The following SLC4A4 variants were observed in gnomAD, a reference collection of about 807,000 sequenced individuals.
SLC4A4 encodes electrogenic sodium bicarbonate cotransporter 1.
A neutral mutation model predicts 111.5 loss-of-function variants in SLC4A4; 27 were observed. The observed-to-expected ratio is 0.24, with a 90% CI of 0.18 to 0.33. SLC4A4 has a LOEUF of 0.33. Among genes scored for constraint, SLC4A4 ranks in the 10% least tolerant of loss-of-function variants. The pLI is 1.00. For synonymous variants in SLC4A4, 443 were observed against 463.4 expected (o/e 0.96, Z 0.57); for missense variants, 909 against 1,315.5 (o/e 0.69, Z 4.78).
intron 14 of SLC4A4, among the ~76,000 whole-genome samples, chr4:71,474,126 A>T (rs914594745): frequency 6.6e-6 from 1 of 151,778 alleles, no homozygotes; most frequent in African/African-American, 2.4e-5. Context: ...TCAAAAAAAA[A>T]AAAAAAAAGA....
chr4:71,271,949 C>A (rs1045836258), intron 3 of SLC4A4, among the ~76,000 whole-genome samples: 8 of 152,212 alleles, frequency 5.3e-5, no homozygotes, highest in African/African-American at 2.4e-5. Flanking sequence ...AACTCATCCT[C>A]AAATAATTTA....
chr4:71,100,254 A>G (rs1189750912), intron 2 of SLC4A4, among the ~76,000 whole-genome samples: 1 of 152,180 alleles, frequency 6.6e-6, no homozygotes, highest in Non-Finnish European at 1.5e-5. Context: ...CTAATCCATC[A>G]CGATCAAATA....
At chr4:71,419,768 A>G (rs1333604852) in intron 7 of SLC4A4, among the ~76,000 whole-genome samples, 1 of 152,232 alleles carries the variant, frequency 6.6e-6, no homozygotes, top group Non-Finnish European at 1.5e-5. Context: ...GGAAATGCAG[A>G]AATCACCCGT....
At chr4:71,205,861 T>C (rs1717729510) in intron 1 of SLC4A4, among the ~76,000 whole-genome samples, 1 of 152,218 alleles carries the variant, frequency 6.6e-6, no homozygotes, top group Admixed American at 6.5e-5. Context: ...TTTGGAAAGG[T>C]AATGATCAAG....
At chr4:71,146,839 A>G (rs1744186133) in intron 2 of SLC4A4, among the ~76,000 whole-genome samples, 3 of 152,204 alleles carry the variant, frequency 2.0e-5, no homozygotes. Context: ...ACTAATGAGC[A>G]AAATAACCAG....
intron 7 of SLC4A4, among the ~76,000 whole-genome samples, chr4:71,420,356 C>T (rs1379154933): frequency 1.3e-5 from 2 of 152,206 alleles, no homozygotes; most frequent in Non-Finnish European, 2.9e-5. Context: ...AAATCTATCT[C>T]TGATTGGTGT....
intron 20 of SLC4A4, among the ~76,000 whole-genome samples, chr4:71,551,811 C>T (rs903165680): frequency 3.3e-5 from 5 of 151,894 alleles, no homozygotes; most frequent in Admixed American, 3.3e-4. Context: ...TACCTCATTC[C>T]AGTTTCTTCA....
intron 1 of SLC4A4, among the ~76,000 whole-genome samples, chr4:71,218,511 G>T (rs1398900819): frequency 4.6e-5 from 7 of 152,092 alleles, no homozygotes; most frequent in Non-Finnish European, 1.0e-4. Context: ...TATTAGAATG[G>T]TGCTTAGTGT....
upstream of SLC4A4, among the ~76,000 whole-genome samples, chr4:71,184,217 C>A (rs527765625): frequency 6.6e-6 from 1 of 152,312 alleles, no homozygotes; most frequent in East Asian, 1.9e-4. Flanking sequence ...ACCTTACTTT[C>A]AATAATCAAC....
At chr4:71,535,736 C>A (rs1457943044) in intron 18 of SLC4A4, among the ~76,000 whole-genome samples, 1 of 151,840 alleles carries the variant, frequency 6.6e-6, no homozygotes, top group African/African-American at 2.4e-5. Flanking sequence ...TCCTGGAGGT[C>A]GGCATATTTA....
chr4:71,372,482 T>A (rs1731982233), intron 6 of SLC4A4, among the ~76,000 whole-genome samples: 1 of 152,258 alleles, frequency 6.6e-6, no homozygotes, highest in African/African-American at 2.4e-5. Flanking sequence ...TCTTGCTAGA[T>A]CCAGAATGGC....
chr4:71,413,618 G>C (rs1057485982), intron 7 of SLC4A4, among the ~76,000 whole-genome samples: 1 of 152,266 alleles, frequency 6.6e-6, no homozygotes, highest in Admixed American at 6.5e-5. Context: ...TATTTTAGTG[G>C]ATGATTCTTT....
intron 2 of SLC4A4, among the ~76,000 whole-genome samples, chr4:71,121,284 C>T (rs374531814): frequency 5.3e-5 from 8 of 152,144 alleles, no homozygotes; most frequent in East Asian, 1.9e-4. Context: ...CCCCCTGCTC[C>T]GTGGCGCCCG....
chr4:71,235,379 C>T (rs1719730158), intron 1 of SLC4A4, among the ~76,000 whole-genome samples: 1 of 152,164 alleles, frequency 6.6e-6, no homozygotes, highest in South Asian at 2.1e-4. Context: ...GTTATACAGA[C>T]AATATGGAAA....
At chr4:71,449,091 G>A (rs1577931069) in intron 9 of SLC4A4, among the ~76,000 whole-genome samples, 1 of 152,272 alleles carries the variant, frequency 6.6e-6, no homozygotes, top group South Asian at 2.1e-4. Flanking sequence ...TTTGGAGGTA[G>A]GTAGTTGCTG....
At chr4:71,254,914 A>G (rs1721330412) in intron 2 of SLC4A4, among the ~76,000 whole-genome samples, 1 of 152,162 alleles carries the variant, frequency 6.6e-6, no homozygotes, top group South Asian at 2.1e-4. Context: ...AATTGATGGC[A>G]GAGTATGACA....
At chr4:71,358,234 A>T (rs1313466537) in intron 6 of SLC4A4, among the ~76,000 whole-genome samples, 1 of 151,864 alleles carries the variant, frequency 6.6e-6, no homozygotes, top group Admixed American at 6.6e-5. Flanking sequence ...AGAAAAGCTT[A>T]AACCCGGGAG....
At chr4:71,297,826 G>C (rs1168239879) in intron 3 of SLC4A4, among the ~76,000 whole-genome samples, 1 of 152,004 alleles carries the variant, frequency 6.6e-6, no homozygotes, top group Non-Finnish European at 1.5e-5. Context: ...GACCACAAGT[G>C]ATCCGCCTGC....
chr4:71,558,587 T>G (rs1560621047), intron 22 of SLC4A4, among the ~76,000 whole-genome samples: 1 of 151,878 alleles, frequency 6.6e-6, no homozygotes, highest in Non-Finnish European at 1.5e-5. Flanking sequence ...TGCAAGAAAA[T>G]GCATATATGT....
Sources: allele counts gnomAD v4.1 joint callset (sites outside exome capture counted in the v4.1 genomes callset), GRCh38; gene constraint gnomAD v4.1.1; transcripts MANE v1.5; gene names NCBI Gene and HGNC (gene_info 2026-07-23, HGNC 2026-07-21).